Variants in GABRB1 observed in about 807,000 individuals in gnomAD.
GABRB1 encodes gamma-aminobutyric acid receptor subunit beta-1.
Under a neutral mutation model 51.6 loss-of-function variants are expected in GABRB1, and 17 were observed. The observed-to-expected ratio is 0.33, with a 90% CI of 0.23 to 0.49. The LOEUF (loss-of-function observed/expected upper bound fraction) is 0.49. Among genes scored for constraint, GABRB1 ranks in the 20% least tolerant of loss-of-function variants. GABRB1 has a pLI of 0.99. For synonymous variants in GABRB1, 247 were observed against 218.9 expected, an observed-to-expected ratio of 1.13 and a Z score of -1.14; for missense variants, 410 against 600.6, an observed-to-expected ratio of 0.68 and a Z score of 3.32.
chr4:47,342,080 G>T (rs1425988557), intron 5 of GABRB1, among the ~76,000 whole-genome samples: 1 of 152,174 alleles, frequency 6.6e-6, no homozygotes, highest in South Asian at 2.1e-4. Context: ...GCAGAAGTCT[G>T]ATTTAAAGAT....
At chr4:47,265,094 T>C (rs1286615573) in intron 4 of GABRB1, among the ~76,000 whole-genome samples, 1 of 152,158 alleles carries the variant, frequency 6.6e-6, no homozygotes, top group East Asian at 1.9e-4. Flanking sequence ...CCTTTTAGTG[T>C]AACCATCACT....
intron 4 of GABRB1, among the ~76,000 whole-genome samples, chr4:47,240,802 A>C (rs1438495608): frequency 6.6e-6 from 1 of 152,250 alleles, no homozygotes; most frequent in African/African-American, 2.4e-5. Context: ...GACATAGCAC[A>C]GCACCCGGTA....
chr4:47,147,852 A>T (rs1192968918), intron 3 of GABRB1, among the ~76,000 whole-genome samples: 2 of 152,134 alleles, frequency 1.3e-5, no homozygotes, highest in African/African-American at 2.4e-5. Flanking sequence ...ACAAGCAAGA[A>T]GTGTGACTGC....
chr4:47,361,529 C>T (rs1005221188), intron 5 of GABRB1, among the ~76,000 whole-genome samples: 1 of 152,006 alleles, frequency 6.6e-6, no homozygotes, highest in African/African-American at 2.4e-5. Flanking sequence ...GTAAAGTGAA[C>T]AGATGTGTAC....
intron 4 of GABRB1, among the ~76,000 whole-genome samples, chr4:47,195,461 T>TGATTGATAGATAGATA (rs1553922639): frequency 1.2e-5 from 1 of 85,410 alleles, no homozygotes; most frequent in Non-Finnish European, 2.5e-5. Context: ...ATAGATTAGA[T>TGATTGATAGATAGATA]GATAGATAGA....
chr4:47,305,573 A>G lies in GABRB1; in HGVS notation c.462-14554A>G, dbSNP rs145924920. 2.5e-3 allele frequency among the ~76,000 whole-genome samples: 382 copies of G among 152,226 alleles called. 1 individual carries two copies. Among genetic ancestry groups the G allele is most frequent in the African/African-American group, 8.8e-3 (367 of 41,548 alleles). ...TGAGATCATTTCCTATGGGGTACTT[A>G]CCATCTGTTCAGGTGGAAGTCACAC... On this transcript the variant is annotated intron_variant, in intron 4 of 8. Transcript: ENST00000295454.
chr4:47,032,321 G>A (rs1296047738), intron 2 of GABRB1, 96 bp from the exon 3 acceptor site: 3 of 1,158,464 alleles, frequency 2.6e-6, no homozygotes, highest in Non-Finnish European at 3.7e-6. Context: ...GAGGGAGCCC[G>A]TTAAGAATGG....
intron 1 of GABRB1, among the ~76,000 whole-genome samples, chr4:47,025,443 C>T (rs1280251213): frequency 3.3e-5 from 5 of 151,598 alleles, no homozygotes; most frequent in African/African-American, 4.8e-5. Flanking sequence ...AGGAGTAAGG[C>T]GGTATTGTAT....
intron 1 of GABRB1, chr4:46,994,189 G>T (rs777498665): frequency 2.0e-5 from 3 of 152,158 alleles, no homozygotes; most frequent in Admixed American, 6.5e-5. Flanking sequence ...GACTCGAGCC[G>T]CACTCTAGTC....
At chr4:47,126,939 T>C (rs1019524059) in intron 3 of GABRB1, among the ~76,000 whole-genome samples, 7 of 152,012 alleles carry the variant, frequency 4.6e-5, no homozygotes, top group African/African-American at 1.7e-4. Context: ...CTTTTTTATA[T>C]ACAGAGAGCC....
intron 4 of GABRB1, among the ~76,000 whole-genome samples, chr4:47,170,573 A>G (rs1345476252): frequency 1.3e-5 from 2 of 152,140 alleles, no homozygotes; most frequent in Non-Finnish European, 2.9e-5. Context: ...ATTACATTCA[A>G]AAGTCCTGGG....
intron 4 of GABRB1, among the ~76,000 whole-genome samples, chr4:47,281,066 T>C (rs1212749816): frequency 6.6e-6 from 1 of 152,154 alleles, no homozygotes; most frequent in Non-Finnish European, 1.5e-5. Context: ...GCTGAACAGC[T>C]TCTGCACAGC....
At chr4:47,254,888 C>G (rs1722140855) in intron 4 of GABRB1, among the ~76,000 whole-genome samples, 1 of 152,146 alleles carries the variant, frequency 6.6e-6, no homozygotes, top group Admixed American at 6.5e-5. Flanking sequence ...CACATGTAGT[C>G]AGTTTTAATG....
chr4:47,259,175 G>T (rs1722330275), intron 4 of GABRB1, among the ~76,000 whole-genome samples: 1 of 152,012 alleles, frequency 6.6e-6, no homozygotes, highest in African/African-American at 2.4e-5. Context: ...ATGCCTCTAT[G>T]AATTCACTTT....
chr4:47,216,705 T>C (rs566792778), intron 4 of GABRB1, among the ~76,000 whole-genome samples: 3 of 151,994 alleles, frequency 2.0e-5, no homozygotes, highest in South Asian at 2.1e-4. Context: ...ATCCATCTGA[T>C]TGACAAACTT....
At chr4:47,331,283 G>T (rs1004339607) in intron 5 of GABRB1, among the ~76,000 whole-genome samples, 1 of 152,076 alleles carries the variant, frequency 6.6e-6, no homozygotes. Context: ...CCTTTTTCCA[G>T]CCTGCTTCTT....
intron 1 of GABRB1, among the ~76,000 whole-genome samples, chr4:47,015,774 T>G (rs1189471625): frequency 2.0e-5 from 3 of 152,276 alleles, no homozygotes; most frequent in Admixed American, 6.5e-5. Context: ...GGAGCTTTAC[T>G]ATTTATCCAT....
chr4:47,336,989 C>T (rs1231557577), intron 5 of GABRB1, among the ~76,000 whole-genome samples: 1 of 152,088 alleles, frequency 6.6e-6, no homozygotes, highest in African/African-American at 2.4e-5. Flanking sequence ...ATATTGGATT[C>T]ACAAAGAACT....
At chr4:47,384,953 A>T (rs1040156446) in intron 5 of GABRB1, among the ~76,000 whole-genome samples, 1 of 152,234 alleles carries the variant, frequency 6.6e-6, no homozygotes, top group African/African-American at 2.4e-5. Context: ...TAAAAACATT[A>T]TGATACTGAC....
Sources: gnomAD v4.1 joint callset for allele counts (sites outside exome capture counted in the v4.1 genomes callset) on GRCh38, gnomAD v4.1.1 for gene constraint, MANE v1.5 for transcripts, NCBI Gene and HGNC (gene_info 2026-07-23, HGNC 2026-07-21) for gene names.